Variants in TPP2 observed in about 807,000 individuals in gnomAD.
TPP2 encodes tripeptidyl peptidase 2, also known as tripeptidyl-peptidase 2.
In TPP2, 34 loss-of-function variants were observed where a neutral mutation model predicts 155.9. The observed-to-expected ratio is 0.22, with a 90% CI of 0.17 to 0.29. TPP2 has a LOEUF of 0.29. TPP2 is among the 10% of genes least tolerant of loss of function. The pLI is 1.00. For missense variants in TPP2, 1,028 were observed against 1,522.3 expected (o/e 0.68, Z 5.40); for synonymous variants, 510 against 529.4 (o/e 0.96, Z 0.50).
intron 24 of TPP2, among the ~76,000 whole-genome samples, chr13:102,656,783 G>T (rs1375401871): frequency 6.6e-6 from 1 of 152,126 alleles, no homozygotes. Context: ...GTAAAGCCAA[G>T]AATACCAAAT....
chr13:102,645,117 G>T, intron 19 of TPP2, 108 bp downstream of exon 19: 1 of 1,037,086 alleles, frequency 9.6e-7, no homozygotes. Context: ...GCATGCTAGA[G>T]GTGAGAATTT....
At chr13:102,647,127 C>A in intron 20 of TPP2, 80 bp from the exon 21 acceptor site, 2 of 1,421,796 alleles carry the variant, frequency 1.4e-6, no homozygotes, top group South Asian at 1.6e-5. Flanking sequence ...GAAAAAGTCT[C>A]ATGTCAATAA....
At chr13:102,605,361 C>T (rs952452643) in intron 2 of TPP2, among the ~76,000 whole-genome samples, 2 of 152,160 alleles carry the variant, frequency 1.3e-5, no homozygotes, top group African/African-American at 4.8e-5. Flanking sequence ...TAAAAGTGAC[C>T]TTCTAAGGGA....
In TPP2 at chr13:102,649,155, A is replaced by C. The variant is rs775929706; in HGVS notation, c.2873+4A>C. On this transcript the variant is annotated splice_donor_region_variant and intron_variant, in intron 22 of 29. Coordinates refer to ENST00000376052, the MANE Select transcript of TPP2 (RefSeq NM_001330588.2). Reference sequence around the variant, plus strand: ...TTACTTCCTTACCTGATGATAAGTAAGTGATAACATTGCTTATACTTACTG... The same window carrying C: ...TTACTTCCTTACCTGATGATAAGTACGTGATAACATTGCTTATACTTACTG... 6.3e-7 allele frequency: 1 copy of C among 1,599,150 alleles called. No homozygotes were observed. Among genetic ancestry groups the C allele is most frequent in the African/African-American group, 1.3e-5 (1 of 74,498 alleles).
At chr13:102,642,005 G>A (rs563320819) in intron 16 of TPP2, among the ~76,000 whole-genome samples, 61 of 152,282 alleles carry the variant, frequency 4.0e-4, no homozygotes, top group Admixed American at 2.7e-3. Flanking sequence ...ACAGAGTAGC[G>A]GCAAGGCCAC....
At chr13:102,637,849 C>G (rs563089244) in intron 14 of TPP2, among the ~76,000 whole-genome samples, 14 of 152,188 alleles carry the variant, frequency 9.2e-5, no homozygotes, top group Non-Finnish European at 1.9e-4. Flanking sequence ...CCACACCCAG[C>G]CAGTTATACC....
intron 2 of TPP2, among the ~76,000 whole-genome samples, chr13:102,606,075 C>T (rs76275114): frequency 0.015 from 2,277 of 152,118 alleles, 53 homozygotes; most frequent in East Asian, 0.11. Context: ...GTAAGCTAAA[C>T]GTAAAAAATA....
At chr13:102,623,187 T>C in intron 6 of TPP2, 147 bp downstream of exon 6, 1 of 867,772 alleles carries the variant, frequency 1.2e-6, no homozygotes, top group Non-Finnish European at 1.7e-6. Context: ...GGTGATTTGA[T>C]TTACCTGCAA....
chr13:102,670,283 G>A (rs1884886302), intron 27 of TPP2, among the ~76,000 whole-genome samples: 1 of 152,072 alleles, frequency 6.6e-6, no homozygotes, highest in African/African-American at 2.4e-5. Context: ...TTTGTAATCA[G>A]AGAGTGCTAT....
In TPP2 at chr13:102,616,318, G is replaced by A. The variant is rs567854101; in HGVS notation, c.391-78G>A. On this transcript the variant is annotated intron_variant, in intron 3 of 29. Transcript: ENST00000376052. ...GTAGTATCACAACTGTACCAACAAAGTCCACATATAAATGCCTGTCTAGGT... is the reference window on the plus strand; with the variant it reads ...GTAGTATCACAACTGTACCAACAAAATCCACATATAAATGCCTGTCTAGGT... The A allele has an allele frequency of 2.2e-3, 2,544 of 1,174,856 alleles. 6 individuals are homozygous for A. The highest frequency in any genetic ancestry group is 2.6e-3 in the Non-Finnish European group (2,103 of 814,890). The allele number at this position is 1,174,856 out of a possible 1,614,324, so 72.8% of individuals were successfully genotyped here.
intron 3 of TPP2, among the ~76,000 whole-genome samples, chr13:102,615,560 G>A (rs921245603): frequency 1.2e-4 from 19 of 152,156 alleles, no homozygotes; most frequent in African/African-American, 3.6e-4. Flanking sequence ...GGGAGTTACC[G>A]TGAGTTAAAG....
chr13:102,637,541 C>G (rs1287649706), intron 14 of TPP2, among the ~76,000 whole-genome samples: 1 of 150,976 alleles, frequency 6.6e-6, no homozygotes, highest in Non-Finnish European at 1.5e-5. Context: ...GCTGCAGTTG[C>G]TTGTTGTTGT....
intron 1 of TPP2, 150 bp downstream of exon 1, chr13:102,597,353 G>A: frequency 2.3e-6 from 1 of 436,032 alleles, no homozygotes; most frequent in Non-Finnish European, 3.8e-6. Context: ...AGAGGTCAGA[G>A]CCAGGCGCGG....
At position 102,627,136 on chromosome 13, in the gene TPP2, A is replaced by C. The variant is rs973353504; in HGVS notation, c.909A>C (p.Thr303=). 4.7e-5 allele frequency: 75 copies of C among 1,606,020 alleles called. No individual in the cohort carries two copies. Among genetic ancestry groups the C allele is most frequent in the Non-Finnish European group, 6.2e-5 (73 of 1,176,366 alleles). The change falls in exon 7 of 30, where the codon ACA becomes ACC. Residue 303 remains threonine (T), a synonymous_variant. Coordinates refer to ENST00000376052, the MANE Select transcript of TPP2 (RefSeq NM_001330588.2). The part of the protein sequence containing the change: ...SIKIGDTRLS[T]METGTGLIRA... ...AGATTGGTGATACAAGACTAAGCAC[A>C]ATGGAAACAGGCACAGGCCTCATAA...
At chr13:102,613,662 A>G (rs1880484547) in intron 2 of TPP2, among the ~76,000 whole-genome samples, 1 of 152,194 alleles carries the variant, frequency 6.6e-6, no homozygotes, top group Non-Finnish European at 1.5e-5. Context: ...ACTAGGTTCC[A>G]GTTTTCAACT....
At position 102,597,906 on chromosome 13, in the gene TPP2, C is replaced by G. The variant is rs1595121026; in HGVS notation, c.165+703C>G. Among the ~76,000 whole-genome samples, 4 of 151,380 alleles carry G rather than the reference C, an allele frequency of 2.6e-5. 1 individual carries two copies. The highest frequency in any genetic ancestry group is 2.6e-4 in the Admixed American group (4 of 15,224). On this transcript the variant is annotated intron_variant, in intron 1 of 29. Transcript: ENST00000376052. ...GGGTCATTGAATCTTGTGGCTTAGT[C>G]TTCGTTTACATAAGGAGAATTCAGT...
intron 25 of TPP2, among the ~76,000 whole-genome samples, chr13:102,657,976 T>G (rs995928360): frequency 3.3e-5 from 5 of 152,242 alleles, no homozygotes; most frequent in African/African-American, 1.2e-4. Context: ...GTTATTAGTA[T>G]AGCTTCTGAC....
At chr13:102,668,340 C>T (rs1179110858) in intron 27 of TPP2, among the ~76,000 whole-genome samples, 2 of 152,182 alleles carry the variant, frequency 1.3e-5, no homozygotes, top group Non-Finnish European at 2.9e-5. Context: ...TGACCAATTT[C>T]CTACATCTCC....
rs907026909 is a variant in TPP2, at chr13:102,649,251, A to AT, written c.2873+110dup. 9,518 of 1,150,172 alleles carry AT rather than the reference A, an allele frequency of 8.3e-3. 6 individuals carry two copies. The highest frequency in any genetic ancestry group is 9.1e-3 in the Non-Finnish European group (7,831 of 860,966). 71.2% of individuals were successfully genotyped at this position (1,150,172 alleles called of 1,614,324 possible). A position where few individuals can be genotyped will look rare whatever the true frequency, so the allele number is the denominator to read the frequency against. Reference sequence around the variant, plus strand: ...TAGGCTAAATTTAGAGGATGTAGTCATTTTTTTTTTGGCTGAAGTATTTCT... The same window carrying AT: ...TAGGCTAAATTTAGAGGATGTAGTCATTTTTTTTTTTGGCTGAAGTATTTCT... On this transcript the variant is annotated intron_variant, in intron 22 of 29. Coordinates refer to ENST00000376052, the MANE Select transcript of TPP2 (RefSeq NM_001330588.2).
Sources: allele counts gnomAD v4.1 joint callset (sites outside exome capture counted in the v4.1 genomes callset), GRCh38; gene constraint gnomAD v4.1.1; transcripts MANE v1.5; gene names NCBI Gene and HGNC (gene_info 2026-07-23, HGNC 2026-07-21).